Variants in IGSF9B observed in about 807,000 individuals in gnomAD.
IGSF9B encodes immunoglobulin superfamily member 9B, also known as protein turtle homolog B.
IGSF9B carries 48 observed loss-of-function variants against 143.7 expected under a neutral mutation model. The observed-to-expected ratio is 0.33, with a 90% CI of 0.26 to 0.42. The LOEUF is 0.42. Ranked by LOEUF, IGSF9B falls within the 20% of genes least tolerant of loss-of-function variation. IGSF9B has a pLI of 1.00. For synonymous variants in IGSF9B, 903 were observed against 833.1 expected, an observed-to-expected ratio of 1.08 and a Z score of -1.44; for missense variants, 1,706 against 1,980.0, an observed-to-expected ratio of 0.86 and a Z score of 2.63.
intron 7 of IGSF9B, among the ~76,000 whole-genome samples, chr11:133,934,452 T>C (rs1296474717): frequency 6.6e-6 from 1 of 152,218 alleles, no homozygotes; most frequent in East Asian, 1.9e-4. Flanking sequence ...CTCAACTCGC[T>C]TTTTCCCGCT....
chr11:133,930,715 C>T (rs1447523562), intron 11 of IGSF9B, among the ~76,000 whole-genome samples: 5 of 152,202 alleles, frequency 3.3e-5, no homozygotes, highest in South Asian at 2.1e-4. Flanking sequence ...GCCACACAGC[C>T]GCCTCTTTCC....
chr11:133,950,866 GCCTCCTCCT>G (rs35266790), intron 1 of IGSF9B, among the ~76,000 whole-genome samples: 1 of 150,570 alleles, frequency 6.6e-6, no homozygotes, highest in Non-Finnish European at 1.5e-5. Context: ...CCTTATTGCA[GCCTCCTCCT>G]CCTCCTCCTC....
chr11:133,952,793 A>G (rs1940188323), intron 1 of IGSF9B, among the ~76,000 whole-genome samples: 1 of 152,112 alleles, frequency 6.6e-6, no homozygotes, highest in South Asian at 2.1e-4. Flanking sequence ...ACATGTGCAC[A>G]TGTATGCATG....
chr11:133,933,616 C>G (rs754392967), intron 7 of IGSF9B, among the ~76,000 whole-genome samples: 1 of 152,190 alleles, frequency 6.6e-6, no homozygotes. Context: ...GGCATGGTGG[C>G]ACACACCTGT....
chr11:133,902,127 T>TCCATGTACC lies in IGSF9B; in HGVS notation c.*6933_*6941dup, dbSNP rs1401616194. Among the ~76,000 whole-genome samples the TCCATGTACC allele has an allele frequency of 9.2e-6, 1 of 109,164 alleles. No homozygotes were observed. Among genetic ancestry groups the TCCATGTACC allele is most frequent in the East Asian group, 3.1e-4 (1 of 3,236 alleles). 71.6% of individuals were successfully genotyped at this position (109,164 alleles called of 152,430 possible). A position where few individuals can be genotyped will look rare whatever the true frequency, so the allele number is the denominator to read the frequency against. On this transcript the variant is annotated 3_prime_UTR_variant, in exon 20 of 20. Transcript: ENST00000533871. ...TAGCACACACACACACCACACACAGTCCATGTACCACACCAAACACACCAG... is the reference window on the plus strand; with the variant it reads ...TAGCACACACACACACCACACACAGTCCATGTACCCCATGTACCACACCAAACACACCAG...
In IGSF9B at chr11:133,899,783, G is replaced by A. The variant is rs1939088408; in HGVS notation, c.*9286C>T. On this transcript the variant is annotated 3_prime_UTR_variant, in exon 20 of 20. Transcript: ENST00000533871. ...GCCTCCCTTGTGCAGAGACCGTGGT[G>A]GTCTGGGAAGGCTTCAAGGTAGGAA... 1 of 152,246 alleles carries A rather than the reference G, an allele frequency of 6.6e-6. No individual in the cohort carries two copies. Among genetic ancestry groups the A allele is most frequent in the East Asian group, 1.9e-4 (1 of 5,188 alleles). The allele number at this position is 152,246 out of a possible 1,614,324, so 9.4% of individuals were successfully genotyped here. A position where few individuals can be genotyped will look rare whatever the true frequency, so the allele number is the denominator to read the frequency against.
Position 133,904,572 on chromosome 11 carries a change from T to C in IGSF9B, c.*4497A>G, listed in dbSNP as rs1939185895. Among the ~76,000 whole-genome samples the C allele has an allele frequency of 6.6e-6, 1 of 152,096 alleles. No homozygotes were observed. The highest frequency in any genetic ancestry group is 2.4e-5 in the African/African-American group (1 of 41,434). On this transcript the variant is annotated 3_prime_UTR_variant, in exon 20 of 20. Coordinates refer to ENST00000533871, the MANE Select transcript of IGSF9B (RefSeq NM_001277285.4). ...AGATCCCCCTCCCACATGCCCTGCA[T>C]GGCTACCACTCCCCAGCCAGATGCC...
intron 19 of IGSF9B, among the ~76,000 whole-genome samples, chr11:133,910,381 C>T (rs1414356424): frequency 6.6e-6 from 1 of 152,162 alleles, no homozygotes; most frequent in Non-Finnish European, 1.5e-5. Context: ...TGACTCAGAA[C>T]ACAGAGTTAG....
rs527279278 is a variant in IGSF9B, at chr11:133,920,502, C to A, written c.3223G>T (p.Gly1075Cys). ...DVPESLQPKA[G>C]LPRGLPPTSL... ...GTGGGGGGCAGTCCTCGGGGGAGGC[C>A]GGCCTTGGGCTGCAGACTCTCGGGC... Residue 1075 changes from glycine to cysteine, a missense_variant, in exon 18 of 20, where the codon GGC (glycine) becomes TGC (cysteine). This residue lies in a region of IGSF9B where 880 missense variants were observed against 762.9 expected (regional missense o/e 1.15). Transcript: ENST00000533871. 3 of 1,587,378 alleles carry A rather than the reference C, an allele frequency of 1.9e-6. No homozygotes were observed. In the East Asian group the frequency reaches 6.7e-5, roughly 36 times the overall value.
In IGSF9B at chr11:133,956,882, A is replaced by G; in HGVS notation, c.-128T>C. 1 of 470,482 alleles carries G rather than the reference A, an allele frequency of 2.1e-6. No individual in the cohort carries two copies. Among genetic ancestry groups the G allele is most frequent in the Non-Finnish European group, 3.5e-6 (1 of 283,750 alleles). 29.1% of individuals were successfully genotyped at this position (470,482 alleles called of 1,614,324 possible). ...CTACGCCCCGCGCCGGTGCTCCTGC[A>G]GCCCGGGTGGCCAGCTCTCCATCCC... On this transcript the variant is annotated 5_prime_UTR_variant, in exon 1 of 20. Coordinates refer to ENST00000533871, the MANE Select transcript of IGSF9B (RefSeq NM_001277285.4).
At chr11:133,918,243 A>AG (rs1939431343) in intron 18 of IGSF9B, among the ~76,000 whole-genome samples, 1 of 139,466 alleles carries the variant, frequency 7.2e-6, no homozygotes, top group African/African-American at 2.6e-5. Context: ...CGCCCAGCCG[A>AG]GGAGCTCCCT....
Position 133,931,309 on chromosome 11 carries a change from C to T in IGSF9B, c.1368+144G>A. On this transcript the variant is annotated intron_variant, in intron 10 of 19. Transcript: ENST00000533871. This position sits in a 1 kb window ranked among gnomAD's most constrained non-coding sequence, Gnocchi z 7.7. ...TGCTCGGCATCTAGCCTGGTCAGGG[C>T]AGGTCCAGAATAGAACTGCTCGCTG... 1 of 862,184 alleles carries T rather than the reference C, an allele frequency of 1.2e-6. No homozygotes were observed. The highest frequency in any genetic ancestry group is 2.6e-5 in the East Asian group (1 of 38,444). 53.4% of individuals were successfully genotyped at this position (862,184 alleles called of 1,614,324 possible).
intron 12 of IGSF9B, among the ~76,000 whole-genome samples, chr11:133,927,774 A>G (rs1295393817): frequency 6.6e-6 from 1 of 152,152 alleles, no homozygotes; most frequent in African/African-American, 2.4e-5. Flanking sequence ...CAGTGCTGCC[A>G]CGTCACCACA....
chr11:133,921,217 C>T lies in IGSF9B; in HGVS notation c.2508G>A (p.Lys836=), dbSNP rs1939528968. The T allele has an allele frequency of 3.7e-6, 6 of 1,609,938 alleles. No homozygotes were observed. In the East Asian group the frequency reaches 1.3e-4, roughly 36 times the overall value. Residue 836 remains lysine (K), a synonymous_variant, in exon 18 of 20, where the codon AAG becomes AAA. Coordinates refer to ENST00000533871, the MANE Select transcript of IGSF9B (RefSeq NM_001277285.4). ...AISSKKYSVA[K]AEAEAEATTP... Reference sequence around the variant, plus strand: ...TGGTGGCCTCTGCCTCGGCCTCTGCCTTGGCCACGCTGTACTTCTTGCTGC... The same window carrying T: ...TGGTGGCCTCTGCCTCGGCCTCTGCTTTGGCCACGCTGTACTTCTTGCTGC...
chr11:133,936,596 GA>G (rs1480843196), intron 5 of IGSF9B, among the ~76,000 whole-genome samples: 4 of 152,318 alleles, frequency 2.6e-5, no homozygotes, highest in Non-Finnish European at 5.9e-5. Flanking sequence ...AGCAGAGGGT[GA>G]AAGTCCAGCA....
chr11:133,917,858 G>A (rs1939418522), intron 18 of IGSF9B, among the ~76,000 whole-genome samples: 1 of 152,068 alleles, frequency 6.6e-6, no homozygotes, highest in South Asian at 2.1e-4. Context: ...GGATACCAGA[G>A]GGGCCCCAGA....
At chr11:133,932,026 G>C in intron 8 of IGSF9B, 45 bp downstream of exon 8, 1 of 1,582,646 alleles carries the variant, frequency 6.3e-7, no homozygotes, top group Non-Finnish European at 8.6e-7. Flanking sequence ...TCACAGTACT[G>C]GGGGGAGCCC....
intron 16 of IGSF9B, 125 bp downstream of exon 16, chr11:133,922,444 C>G: frequency 9.4e-7 from 1 of 1,063,782 alleles, no homozygotes. Flanking sequence ...TCACTGGCAG[C>G]TCTACCCACA....
chr11:133,925,452 G>A lies in IGSF9B; in HGVS notation c.2034+287C>T, dbSNP rs186717039. On this transcript the variant is annotated intron_variant, in intron 14 of 19. Coordinates refer to ENST00000533871, the MANE Select transcript of IGSF9B (RefSeq NM_001277285.4). ...GGGCTGGGGTCAGTGCTCTGATTAC[G>A]CCTGCTGGCCTCTCAGCCTGCCCTG... Among the ~76,000 whole-genome samples the A allele has an allele frequency of 5.9e-5, 9 of 152,300 alleles. 1 individual carries two copies. The East Asian group carries it at 7.7e-4, about 13-fold the overall frequency.
Sources: allele counts gnomAD v4.1 joint callset (sites outside exome capture counted in the v4.1 genomes callset), GRCh38; gene constraint gnomAD v4.1.1; regional missense constraint gnomAD v4.1.1; non-coding constraint Gnocchi (gnomAD v3.1); transcripts MANE v1.5; gene names NCBI Gene and HGNC (gene_info 2026-07-23, HGNC 2026-07-21).